MYH13: variants seen among roughly 807,000 people sequenced by gnomAD.
The protein encoded by MYH13 is myosin-13.
In MYH13, 177 loss-of-function variants were observed where a neutral mutation model predicts 232.1. That is an observed-to-expected ratio of 0.76 (90% CI 0.67 to 0.86). The LOEUF (loss-of-function observed/expected upper bound fraction) is 0.86. MYH13 is among the 40% of genes least tolerant of loss of function. The pLI is 0.00. For synonymous variants in MYH13, 884 were observed against 923.5 expected (o/e 0.96, Z 0.78); for missense variants, 2,246 against 2,405.9 (o/e 0.93, Z 1.39).
In MYH13 at chr17:10,326,981, GTTTTTTTTTTTTTTTTT is replaced by G. The variant is rs61543278; in HGVS notation, c.2691+868_2691+884del. 4.2e-3 allele frequency among the ~76,000 whole-genome samples: 236 copies of G among 55,822 alleles called. 38 individuals carry two copies. The highest frequency in any genetic ancestry group is 0.012 in the African/African-American group (156 of 12,834). 36.6% of individuals were successfully genotyped at this position (55,822 alleles called of 152,430 possible). ...GAGACATGCACCACCATGCCTACTA[GTTTTTTTTTTTTTTTTT>G]TTTTTTTTTTTTTTTTTTTTTGAGA... On this transcript the variant is annotated intron_variant, in intron 22 of 40. Transcript: ENST00000252172.
At chr17:10,334,366 G>A (rs1037560544) in intron 18 of MYH13, among the ~76,000 whole-genome samples, 9 of 152,156 alleles carry the variant, frequency 5.9e-5, no homozygotes, top group Non-Finnish European at 7.4e-5. Context: ...GTCAGATACC[G>A]TAGTGACCAG....
chr17:10,355,993 A>T (rs1461231013), intron 8 of MYH13, among the ~76,000 whole-genome samples: 2 of 151,932 alleles, frequency 1.3e-5, no homozygotes, highest in African/African-American at 4.8e-5. Context: ...CTGCCAAAAG[A>T]ACAACTCAGG....
chr17:10,365,842 TGTGTGTGTG>T (rs1422012404), intron 2 of MYH13, among the ~76,000 whole-genome samples: 2 of 9,912 alleles, frequency 2.0e-4, no homozygotes, highest in African/African-American at 8.3e-4. Context: ...TGCTGCATGG[TGTGTGTGTG>T]TGTGTGTGTG....
rs535822913 is a variant in MYH13 at position 10,328,323 on chromosome 17, G to A, written c.2436-202C>T. ...ACAGAGGTACGTGCACAGGTTGGAA[G>A]GTAGGAGAGGGCGTGGAGCTACCTG... On this transcript the variant is annotated intron_variant, in intron 21 of 40. Transcript: ENST00000252172. 2.6e-5 allele frequency among the ~76,000 whole-genome samples: 4 copies of A among 152,284 alleles called. No homozygotes were observed. In the South Asian group the frequency reaches 6.2e-4, roughly 24 times the overall value.
chr17:10,354,947 T>C lies in MYH13; in HGVS notation c.849A>G (p.Arg283=). The part of the protein sequence containing the change: ...SRVTFQLSSE[R]SYHIFYQIMS... The stretch of plus-strand genomic sequence containing the variant: ...TAATTTGGTAGAAAATATGATAGCT[T>C]CTCTCACTGGATAATTGAAACGTCA... Residue 283 remains arginine, a synonymous_variant, in exon 10 of 41, where the codon AGA becomes AGG. Coordinates refer to ENST00000252172, the MANE Select transcript of MYH13 (RefSeq NM_003802.3). 6.2e-7 allele frequency: 1 copy of C among 1,608,704 alleles called. No individual in the cohort carries two copies. Among genetic ancestry groups the C allele is most frequent in the Non-Finnish European group, 8.5e-7 (1 of 1,175,086 alleles).
chr17:10,325,400 A>C (rs1019961793), intron 22 of MYH13, among the ~76,000 whole-genome samples: 1 of 152,068 alleles, frequency 6.6e-6, no homozygotes, highest in Non-Finnish European at 1.5e-5. Context: ...GCTGGTCTCG[A>C]GCTTCTGAGC....
chr17:10,336,339 G>T (rs1053080996), intron 18 of MYH13, among the ~76,000 whole-genome samples: 1 of 152,182 alleles, frequency 6.6e-6, no homozygotes, highest in Non-Finnish European at 1.5e-5. Context: ...TTCTGCTCCA[G>T]CCGCTGAAGG....
chr17:10,351,783 C>T (rs144384508), intron 11 of MYH13, among the ~76,000 whole-genome samples: 1 of 152,282 alleles, frequency 6.6e-6, no homozygotes, highest in African/African-American at 2.4e-5. Context: ...AAAAAGAAAT[C>T]CTTCTCTGGG....
chr17:10,350,567 T>C lies in MYH13; in HGVS notation c.1133A>G (p.Asp378Gly). Residue 378 changes from aspartate to glycine, a missense_variant, in exon 12 of 41, where the codon GAC becomes GGC. Physicochemically the swap from Asp to Gly is moderately conservative, Grantham distance 94. Coordinates refer to ENST00000252172, the MANE Select transcript of MYH13 (RefSeq NM_003802.3). ...QKQREEQAEP[D>G]GTEVADKAGY... ...CCAGATGCAGTTACCTTCGGTGCCGTCTGGCTCCGCCTGCTCCTCACGCTG... is the reference window on the plus strand; with the variant it reads ...CCAGATGCAGTTACCTTCGGTGCCGCCTGGCTCCGCCTGCTCCTCACGCTG... The C allele has an allele frequency of 6.2e-7, 1 of 1,612,844 alleles. No homozygotes were observed. Among genetic ancestry groups the C allele is most frequent in the Non-Finnish European group, 8.5e-7 (1 of 1,179,862 alleles).
chr17:10,334,117 C>G (rs367955835), intron 18 of MYH13, among the ~76,000 whole-genome samples: 36 of 152,242 alleles, frequency 2.4e-4, no homozygotes, highest in South Asian at 2.3e-3. Context: ...ACAAATCAAA[C>G]TAGGATGGAG....
At position 10,333,145 on chromosome 17, in the gene MYH13, C is replaced by G; in HGVS notation, c.2103G>C (p.Gly701=). 6.4e-7 allele frequency: 1 copy of G among 1,551,838 alleles called. No homozygotes were observed. Among genetic ancestry groups the G allele is most frequent in the South Asian group, 1.2e-5 (1 of 84,070 alleles). The change falls in exon 19 of 41, where the codon GGG becomes GGC. Residue 701 remains glycine (G), a synonymous_variant. Coordinates refer to ENST00000252172, the MANE Select transcript of MYH13 (RefSeq NM_003802.3). ...TGCAAATCCGGATGCCCTCGAGGAC[C>G]CCGTTACAGCGCAGCTGGTGCATGA... ...YLVMHQLRCN[G]VLEGIRICRK...
intron 35 of MYH13, among the ~76,000 whole-genome samples, chr17:10,308,821 A>G (rs1597883212): frequency 6.6e-6 from 1 of 152,170 alleles, no homozygotes; most frequent in East Asian, 1.9e-4. Flanking sequence ...CCTGGGCTAA[A>G]GCAAACCTCC....
intron 2 of MYH13, among the ~76,000 whole-genome samples, chr17:10,370,690 A>G (rs1597392134): frequency 6.6e-6 from 1 of 152,314 alleles, no homozygotes; most frequent in Non-Finnish European, 1.5e-5. Flanking sequence ...TGATTCAATG[A>G]CAGCTTGGCT....
At chr17:10,333,842 G>C (rs8074988) in intron 18 of MYH13, among the ~76,000 whole-genome samples, 1,949 of 152,058 alleles carry the variant, frequency 0.013, 37 homozygotes, top group African/African-American at 0.044. Flanking sequence ...CAGGAGGCGG[G>C]GGTTGCAGTG....
At chr17:10,309,461 G>A (rs1449783449) in intron 34 of MYH13, 24 bp from the exon 35 acceptor site, 1 of 1,598,094 alleles carries the variant, frequency 6.3e-7, no homozygotes. Context: ...CCAGAGTGAG[G>A]CCAGAGCCGC....
Position 10,300,926 on chromosome 17 carries a change from C to T in MYH13, c.*25G>A. The T allele has an allele frequency of 6.2e-7, 1 of 1,611,608 alleles. No homozygotes were observed. Among genetic ancestry groups the T allele is most frequent in the Non-Finnish European group, 8.5e-7 (1 of 1,178,584 alleles). On this transcript the variant is annotated 3_prime_UTR_variant, in exon 41 of 41. Coordinates refer to ENST00000252172, the MANE Select transcript of MYH13 (RefSeq NM_003802.3). ...TCCCTCCACTCTCTCGGAGGTGTCC[C>T]ATGGCAACGAGCATCAGGTGAGCCT...
chr17:10,343,888 G>C lies in MYH13; in HGVS notation c.1806C>G (p.Pro602=). 6.2e-7 allele frequency: 1 copy of C among 1,614,216 alleles called. No homozygotes were observed. Reference sequence around the variant, plus strand: ...ACAGCCCCACCACAGTCTCGTTCAGGGGGTCCTTGTTTTTGTCCAGCCAGC... The same window carrying C: ...ACAGCCCCACCACAGTCTCGTTCAGCGGGTCCTTGTTTTTGTCCAGCCAGC... ...IAGWLDKNKD[P]LNETVVGLYQ... is the part of the protein sequence containing the mutation. Residue 602 remains proline (P), a synonymous_variant, in exon 16 of 41, where the codon CCC becomes CCG. Coordinates refer to ENST00000252172, the MANE Select transcript of MYH13 (RefSeq NM_003802.3).
chr17:10,328,467 G>A (rs1338133342), intron 21 of MYH13, among the ~76,000 whole-genome samples: 1 of 152,108 alleles, frequency 6.6e-6, no homozygotes, highest in African/African-American at 2.4e-5. Flanking sequence ...ATTCTATTGG[G>A]TCTTTCTCCC....
In MYH13 at chr17:10,306,644, A is replaced by C. The variant is rs749059059; in HGVS notation, c.5296-15T>G. Reference sequence around the variant, plus strand: ...ATCATGGCAGCCTGGTTAAGTTCACAGGACACATCAGAGGCCCTGTCCGCC... The same window carrying C: ...ATCATGGCAGCCTGGTTAAGTTCACCGGACACATCAGAGGCCCTGTCCGCC... On this transcript the variant is annotated splice_polypyrimidine_tract_variant and intron_variant, in intron 36 of 40. Coordinates refer to ENST00000252172, the MANE Select transcript of MYH13 (RefSeq NM_003802.3). This position sits in a 1 kb window ranked among gnomAD's most constrained non-coding sequence, Gnocchi z 4.3. 3 of 1,613,702 alleles carry C rather than the reference A, an allele frequency of 1.9e-6. No homozygotes were observed. The South Asian group carries it at 3.3e-5, about 18-fold the overall frequency.
Sources: allele counts gnomAD v4.1 joint callset (sites outside exome capture counted in the v4.1 genomes callset), GRCh38; gene constraint gnomAD v4.1.1; non-coding constraint Gnocchi (gnomAD v3.1); transcripts MANE v1.5; gene names NCBI Gene and HGNC (gene_info 2026-07-23, HGNC 2026-07-21).